FAM107B: variants seen among roughly 807,000 people sequenced by gnomAD.
FAM107B encodes the protein protein FAM107B.
FAM107B carries 21 observed loss-of-function variants against 31.5 expected under a neutral mutation model. That is an observed-to-expected ratio of 0.67 (90% CI 0.47 to 0.96). FAM107B has a LOEUF of 0.96. FAM107B is among the 40% of genes least tolerant of loss of function. The probability of loss-of-function intolerance (pLI) is 0.00; values close to 1 mark genes in which losing one functional copy is unlikely to be tolerated. For synonymous variants in FAM107B, 157 were observed against 141.5 expected, an observed-to-expected ratio of 1.11 and a Z score of -0.78; for missense variants, 452 against 377.1, an observed-to-expected ratio of 1.20 and a Z score of -1.64.
chr10:14,574,109 T>C (rs907730221), intron 2 of FAM107B, among the ~76,000 whole-genome samples: 1 of 152,146 alleles, frequency 6.6e-6, no homozygotes, highest in Non-Finnish European at 1.5e-5. Flanking sequence ...AGAACAGGGT[T>C]TAGTACAATA....
chr10:14,636,944 C>G (rs557673365), intron 2 of FAM107B, among the ~76,000 whole-genome samples: 1 of 152,032 alleles, frequency 6.6e-6, no homozygotes, highest in African/African-American at 2.4e-5. Flanking sequence ...TTGTTTTTGC[C>G]AGATGTCCTG....
chr10:14,695,154 T>A lies in FAM107B; in HGVS notation c.412-27463A>T, dbSNP rs185375383. 2.6e-5 allele frequency among the ~76,000 whole-genome samples: 4 copies of A among 152,310 alleles called. No homozygotes were observed. In the East Asian group the frequency reaches 7.7e-4, roughly 29 times the overall value. On this transcript the variant is annotated intron_variant, in intron 1 of 4. Coordinates refer to ENST00000181796, the MANE Select transcript of FAM107B (RefSeq NM_031453.4). ...CCAGGTCTTATGTTTAGGTCTTTTG[T>A]CCCTTTTGAGTTGATTTTTGTGTAC...
chr10:14,619,184 T>G (rs1419137591), intron 2 of FAM107B, among the ~76,000 whole-genome samples: 2 of 152,184 alleles, frequency 1.3e-5, no homozygotes, highest in Non-Finnish European at 2.9e-5. Context: ...ATTGCTGTTG[T>G]TTTAAGCCAC....
At chr10:14,601,026 C>G (rs1852379398) in intron 2 of FAM107B, among the ~76,000 whole-genome samples, 1 of 152,218 alleles carries the variant, frequency 6.6e-6, no homozygotes, top group African/African-American at 2.4e-5. Flanking sequence ...TTCAGCCTCC[C>G]AAAGCACTGG....
At chr10:14,653,412 T>C (rs1853952469) in intron 2 of FAM107B, among the ~76,000 whole-genome samples, 1 of 152,208 alleles carries the variant, frequency 6.6e-6, no homozygotes, top group Non-Finnish European at 1.5e-5. Flanking sequence ...AAAGGCAATT[T>C]CACATCACCA....
intron 2 of FAM107B, among the ~76,000 whole-genome samples, chr10:14,557,755 G>A (rs753942690): frequency 3.3e-5 from 5 of 152,174 alleles, no homozygotes; most frequent in African/African-American, 7.2e-5. Context: ...CCTTATTGAC[G>A]GAGGAGTAGC....
chr10:14,634,674 A>T (rs1013378966), intron 2 of FAM107B, among the ~76,000 whole-genome samples: 1 of 152,292 alleles, frequency 6.6e-6, no homozygotes, highest in Admixed American at 6.5e-5. Context: ...AAGGGTCTAC[A>T]TTTGGGAGGA....
chr10:14,680,573 C>CAAAAAAAAAAAAAAAAAAA (rs35826993), intron 1 of FAM107B, among the ~76,000 whole-genome samples: 1 of 133,994 alleles, frequency 7.5e-6, no homozygotes. Context: ...GACTCTGTCT[C>CAAAAAAAAAAAAAAAAAAA]AAAAAAAAAA....
intron 2 of FAM107B, among the ~76,000 whole-genome samples, chr10:14,647,087 C>A (rs1260024652): frequency 1.3e-5 from 2 of 152,110 alleles, no homozygotes; most frequent in Admixed American, 1.3e-4. Context: ...AGCCACTGTG[C>A]CCGGCTCCAT....
chr10:14,732,854 TTAA>T (rs1365365986), intron 1 of FAM107B, among the ~76,000 whole-genome samples: 4 of 146,904 alleles, frequency 2.7e-5, no homozygotes, highest in African/African-American at 7.4e-5. Flanking sequence ...ATAGAATACA[TTAA>T]TATTATATTA....
intron 3 of FAM107B, chr10:14,528,174 GTT>G (rs34584902): frequency 0.046 from 3,091 of 67,808 alleles, 35 homozygotes; most frequent in South Asian, 0.081. Context: ...TTAAGTTTTG[GTT>G]TTTTTTTTTT....
Position 14,723,227 on chromosome 10 carries a change from A to C in FAM107B, c.411+51026T>G, listed in dbSNP as rs982290561. 7 of 529,398 alleles carry C rather than the reference A, an allele frequency of 1.3e-5. No homozygotes were observed. In the East Asian group the frequency reaches 2.0e-4, roughly 15 times the overall value. The allele number at this position is 529,398 out of a possible 1,614,324, so 32.8% of individuals were successfully genotyped here. Reference sequence around the variant, plus strand: ...GTGGCCTGAGCAGTGGGAGCCACAGATCAGTCTTCTGTGGTGGGGCCGAGC... The same window carrying C: ...GTGGCCTGAGCAGTGGGAGCCACAGCTCAGTCTTCTGTGGTGGGGCCGAGC... On this transcript the variant is annotated intron_variant, in intron 1 of 4. Transcript: ENST00000181796.
chr10:14,750,864 T>C (rs891995069), intron 1 of FAM107B, among the ~76,000 whole-genome samples: 1 of 152,096 alleles, frequency 6.6e-6, no homozygotes, highest in Admixed American at 6.5e-5. Flanking sequence ...TGGAGAGGGA[T>C]GGGACAGAGT....
At chr10:14,619,878 T>C (rs1852959821) in intron 2 of FAM107B, among the ~76,000 whole-genome samples, 1 of 148,814 alleles carries the variant, frequency 6.7e-6, no homozygotes, top group Non-Finnish European at 1.5e-5. Flanking sequence ...GTTGAATTTC[T>C]TTTTTTTTCA....
intron 1 of FAM107B, among the ~76,000 whole-genome samples, chr10:14,675,136 G>C (rs1416373872): frequency 1.3e-5 from 2 of 152,014 alleles, no homozygotes; most frequent in African/African-American, 4.8e-5. Flanking sequence ...AATCCCCTCT[G>C]TTCTTGTGTT....
At chr10:14,572,736 A>ATT (rs1455058375) in intron 2 of FAM107B, among the ~76,000 whole-genome samples, 9 of 86,480 alleles carry the variant, frequency 1.0e-4, no homozygotes, top group African/African-American at 3.2e-4. Flanking sequence ...AAAAAAAAAA[A>ATT]ATTTATATAT....
At chr10:14,663,205 C>A (rs1173760518) in intron 2 of FAM107B, among the ~76,000 whole-genome samples, 1 of 152,232 alleles carries the variant, frequency 6.6e-6, no homozygotes. Context: ...TTTGGACTGG[C>A]TTCCTTGTTC....
At chr10:14,737,804 C>T (rs1242318803) in intron 1 of FAM107B, among the ~76,000 whole-genome samples, 1 of 147,294 alleles carries the variant, frequency 6.8e-6, no homozygotes, top group South Asian at 2.2e-4. Flanking sequence ...CTCTCTCCTT[C>T]GTTGGCTAAA....
intron 3 of FAM107B, 23 bp from the exon 4 acceptor site, chr10:14,522,042 A>G: frequency 6.3e-7 from 1 of 1,592,052 alleles, no homozygotes; most frequent in Non-Finnish European, 8.5e-7. Flanking sequence ...ATTAACAAAA[A>G]TAGAAAACGT....
Sources: gnomAD v4.1 joint callset for allele counts (sites outside exome capture counted in the v4.1 genomes callset) on GRCh38, gnomAD v4.1.1 for gene constraint, MANE v1.5 for transcripts, NCBI Gene and HGNC (gene_info 2026-07-23, HGNC 2026-07-21) for gene names.